Variants in RGS17 observed in about 807,000 individuals in gnomAD.
RGS17 encodes the protein regulator of G-protein signaling 17.
In RGS17, 12 loss-of-function variants were observed where a neutral mutation model predicts 25.5. The ratio of observed to expected loss-of-function variants is 0.47; its 90% CI spans 0.30 to 0.76. RGS17 has a LOEUF of 0.76. RGS17 is among the 30% of genes least tolerant of loss of function. The pLI is 0.07. For synonymous variants in RGS17, 71 were observed against 76.9 expected (o/e 0.92, Z 0.40); for missense variants, 196 against 242.2 (o/e 0.81, Z 1.27).
At chr6:153,107,368 G>C (rs539697660) in intron 1 of RGS17, among the ~76,000 whole-genome samples, 2 of 152,078 alleles carry the variant, frequency 1.3e-5, no homozygotes, top group Non-Finnish European at 2.9e-5. Flanking sequence ...ATAATCACTG[G>C]CACCATGTTC....
chr6:153,084,662 C>G (rs923889541), intron 1 of RGS17, among the ~76,000 whole-genome samples: 5 of 152,126 alleles, frequency 3.3e-5, no homozygotes, highest in Non-Finnish European at 7.4e-5. Flanking sequence ...AATACAGTCT[C>G]AAGGAGAGGT....
rs183689719 is a variant in RGS17, at chr6:153,016,445, A to G, written c.445-4683T>C. 1.4e-4 allele frequency among the ~76,000 whole-genome samples: 21 copies of G among 152,084 alleles called. No individual in the cohort carries two copies. In the East Asian group the frequency reaches 3.7e-3, roughly 27 times the overall value. On this transcript the variant is annotated intron_variant, in intron 4 of 4. Transcript: ENST00000206262. ...CAGGAAACCTTACATTAGAGATTAAAAAAGGGGGGGTCATTTACTTCTTAA... is the reference window on the plus strand; with the variant it reads ...CAGGAAACCTTACATTAGAGATTAAGAAAGGGGGGGTCATTTACTTCTTAA...
At chr6:153,026,654 G>A in intron 2 of RGS17, 111 bp from the exon 3 acceptor site, 1 of 723,568 alleles carries the variant, frequency 1.4e-6, no homozygotes, top group East Asian at 2.6e-5. Flanking sequence ...TCAACTATGT[G>A]AGAATATTTA....
chr6:153,086,882 G>A, intron 1 of RGS17, among the ~76,000 whole-genome samples: 1 of 152,132 alleles, frequency 6.6e-6, no homozygotes, highest in East Asian at 1.9e-4. Flanking sequence ...TTAGTAAGTT[G>A]GTAGTATAAT....
At chr6:153,114,195 C>A (rs1282097957) in intron 1 of RGS17, among the ~76,000 whole-genome samples, 3 of 151,612 alleles carry the variant, frequency 2.0e-5, no homozygotes, top group African/African-American at 7.3e-5. Flanking sequence ...CCAGATTAAT[C>A]AAGAAGAAGA....
intron 1 of RGS17, among the ~76,000 whole-genome samples, chr6:153,126,086 AG>A (rs1562340939): frequency 6.6e-6 from 1 of 152,240 alleles, no homozygotes; most frequent in African/African-American, 2.4e-5. Flanking sequence ...CCTAGAGCTT[AG>A]TAGTTGAAGT....
chr6:153,095,760 G>A (rs1015883122), intron 1 of RGS17, among the ~76,000 whole-genome samples: 1 of 152,136 alleles, frequency 6.6e-6, no homozygotes, highest in Non-Finnish European at 1.5e-5. Flanking sequence ...TGTATGGGAA[G>A]GCACTTAATT....
At chr6:153,115,905 C>G (rs1242575658) in intron 1 of RGS17, among the ~76,000 whole-genome samples, 7 of 152,162 alleles carry the variant, frequency 4.6e-5, no homozygotes, top group Non-Finnish European at 1.0e-4. Context: ...TTCCTTACAC[C>G]TTATACAAAA....
intron 1 of RGS17, among the ~76,000 whole-genome samples, chr6:153,089,431 C>G (rs190167035): frequency 5.9e-5 from 9 of 152,134 alleles, no homozygotes; most frequent in African/African-American, 2.2e-4. Flanking sequence ...AACTGTAATG[C>G]TGGTGATTAA....
intron 1 of RGS17, among the ~76,000 whole-genome samples, chr6:153,107,366 T>C (rs1283219242): frequency 6.6e-6 from 1 of 152,194 alleles, no homozygotes; most frequent in Non-Finnish European, 1.5e-5. Flanking sequence ...TCATAATCAC[T>C]GGCACCATGT....
intron 2 of RGS17, among the ~76,000 whole-genome samples, chr6:153,027,671 GGTGC>G: frequency 6.6e-6 from 1 of 152,196 alleles, no homozygotes; most frequent in South Asian, 2.1e-4. Flanking sequence ...AGCAAAGTGA[GGTGC>G]AGACCCGTCT....
At chr6:153,118,137 G>A (rs375392753) in intron 1 of RGS17, among the ~76,000 whole-genome samples, 8 of 152,166 alleles carry the variant, frequency 5.3e-5, no homozygotes, top group Non-Finnish European at 1.0e-4. Flanking sequence ...CTCTCCTCAC[G>A]TTCATGGAAC....
chr6:153,043,264 T>C (rs1776344598), intron 2 of RGS17, among the ~76,000 whole-genome samples: 1 of 152,182 alleles, frequency 6.6e-6, no homozygotes, highest in African/African-American at 2.4e-5. Flanking sequence ...AACACCACAA[T>C]GGGAAGCAGG....
At chr6:153,094,370 G>A (rs1777176672) in intron 1 of RGS17, among the ~76,000 whole-genome samples, 1 of 152,068 alleles carries the variant, frequency 6.6e-6, no homozygotes, top group Non-Finnish European at 1.5e-5. Flanking sequence ...TGAGCATTGT[G>A]CTCAGTGGCC....
chr6:153,117,079 A>G (rs899873594), intron 1 of RGS17, among the ~76,000 whole-genome samples: 2 of 152,120 alleles, frequency 1.3e-5, no homozygotes, highest in African/African-American at 4.8e-5. Context: ...ATAATAATTT[A>G]AAAAAAGAAA....
chr6:153,067,361 G>GA (rs1776725420), intron 1 of RGS17, among the ~76,000 whole-genome samples: 1 of 152,020 alleles, frequency 6.6e-6, no homozygotes, highest in African/African-American at 2.4e-5. Flanking sequence ...TGGAAAGGAA[G>GA]AAGTCAAATT....
intron 4 of RGS17, among the ~76,000 whole-genome samples, chr6:153,013,737 TCAAA>T (rs1458846684): frequency 6.6e-6 from 1 of 152,170 alleles, no homozygotes; most frequent in Non-Finnish European, 1.5e-5. Flanking sequence ...GGATAGAAGA[TCAAA>T]CAAGCCACAA....
intron 1 of RGS17, among the ~76,000 whole-genome samples, chr6:153,070,114 G>A (rs534861914): frequency 6.6e-6 from 1 of 152,194 alleles, no homozygotes; most frequent in African/African-American, 2.4e-5. Flanking sequence ...GCATGATGAT[G>A]AAGGAATAAA....
At chr6:153,020,114 AT>A (rs57984123) in intron 4 of RGS17, among the ~76,000 whole-genome samples, 6 of 52,284 alleles carry the variant, frequency 1.1e-4, no homozygotes, top group Non-Finnish European at 1.7e-4. Context: ...AAAAAAAAAT[AT>A]ATATATATAT....
Sources: allele counts gnomAD v4.1 joint callset (sites outside exome capture counted in the v4.1 genomes callset), GRCh38; gene constraint gnomAD v4.1.1; transcripts MANE v1.5; gene names NCBI Gene and HGNC (gene_info 2026-07-23, HGNC 2026-07-21).